Variants in SLC15A1 observed in about 807,000 individuals in gnomAD.
SLC15A1 encodes the protein solute carrier family 15 member 1, also known as Caco-2 oligopeptide transporter.
In SLC15A1, 83 loss-of-function variants were observed where a neutral mutation model predicts 92.9. That is an observed-to-expected ratio of 0.89 (90% CI 0.75 to 1.07). SLC15A1 has a LOEUF of 1.07. Among genes scored for constraint, SLC15A1 ranks in the 50% least tolerant of loss-of-function variants. The probability of loss-of-function intolerance (pLI) is 0.00; values close to 1 mark genes in which losing one functional copy is unlikely to be tolerated. For missense variants in SLC15A1, 857 were observed against 880.1 expected, an observed-to-expected ratio of 0.97 and a Z score of 0.33; for synonymous variants, 322 against 318.2, an observed-to-expected ratio of 1.01 and a Z score of -0.13.
At chr13:98,709,412 C>G (rs2088142657) in intron 14 of SLC15A1, among the ~76,000 whole-genome samples, 160 bp downstream of exon 14, 1 of 152,192 alleles carries the variant, frequency 6.6e-6, no homozygotes, top group African/African-American at 2.4e-5. Flanking sequence ...TTTTAAAGAA[C>G]ATTTTCAGAA....
intron 18 of SLC15A1, among the ~76,000 whole-genome samples, chr13:98,690,315 T>C (rs1307092735): frequency 6.6e-6 from 1 of 152,162 alleles, no homozygotes; most frequent in Non-Finnish European, 1.5e-5. Flanking sequence ...CCCGAGGCCT[T>C]CTACTTGGTG....
At chr13:98,733,835 A>C (rs1252047716) in intron 1 of SLC15A1, among the ~76,000 whole-genome samples, 1 of 152,296 alleles carries the variant, frequency 6.6e-6, no homozygotes, top group Non-Finnish European at 1.5e-5. Context: ...CCAAAATCTC[A>C]TATTGAAATG....
intron 1 of SLC15A1, among the ~76,000 whole-genome samples, chr13:98,750,510 C>T (rs2088535635): frequency 6.6e-6 from 1 of 152,152 alleles, no homozygotes; most frequent in African/African-American, 2.4e-5. Context: ...TGAGTCTCAT[C>T]CAATCCCTCA....
intron 1 of SLC15A1, among the ~76,000 whole-genome samples, chr13:98,732,689 C>T (rs1351764768): frequency 2.0e-5 from 3 of 152,162 alleles, no homozygotes; most frequent in African/African-American, 2.4e-5. Flanking sequence ...AGTTGGACTT[C>T]GGAAGTTGGA....
At chr13:98,734,254 T>C (rs1594007087) in intron 1 of SLC15A1, among the ~76,000 whole-genome samples, 1 of 152,242 alleles carries the variant, frequency 6.6e-6, no homozygotes, top group African/African-American at 2.4e-5. Context: ...CATGAGCCAC[T>C]GCACCCAGCC....
chr13:98,707,763 T>C (rs569177493), intron 15 of SLC15A1, among the ~76,000 whole-genome samples: 1 of 151,526 alleles, frequency 6.6e-6, no homozygotes, highest in African/African-American at 2.4e-5. Context: ...AGTGTGGTGG[T>C]GCATGCCTAC....
chr13:98,691,432 T>C (rs1201723286), intron 18 of SLC15A1, among the ~76,000 whole-genome samples: 1 of 152,236 alleles, frequency 6.6e-6, no homozygotes, highest in Non-Finnish European at 1.5e-5. Context: ...GCTTTCTCTA[T>C]TGTGAATAAT....
chr13:98,721,528 A>G lies in SLC15A1; in HGVS notation c.523T>C (p.Leu175=), dbSNP rs1489529188. The change falls in exon 7 of 23, where the codon TTG becomes CTG. Residue 175 remains leucine (L), a synonymous_variant. Coordinates refer to ENST00000376503, the MANE Select transcript of SLC15A1 (RefSeq NM_005073.4). ...IFYLAINAGS[L]LSTIITPMLR... is the part of the protein sequence containing the mutation. ...ATGGGTGTGATGATTGTGGAAAGCA[A>G]ACTTCCAGCATTAATAGCCAAGTAA... The G allele has an allele frequency of 1.9e-6, 3 of 1,612,984 alleles. No homozygotes were observed. The East Asian group carries it at 6.7e-5, about 36-fold the overall frequency.
At chr13:98,696,748 G>C (rs916368089) in intron 18 of SLC15A1, among the ~76,000 whole-genome samples, 1 of 152,204 alleles carries the variant, frequency 6.6e-6, no homozygotes. Flanking sequence ...GGGCTGAATG[G>C]TGTCGCTCTC....
At chr13:98,688,131 TA>T in intron 20 of SLC15A1, 116 bp downstream of exon 20, 1 of 703,406 alleles carries the variant, frequency 1.4e-6, no homozygotes, top group Non-Finnish European at 2.4e-6. Flanking sequence ...TAAGCCCATT[TA>T]AAATACAGAT....
chr13:98,720,324 T>A (rs115573165), intron 7 of SLC15A1, among the ~76,000 whole-genome samples: 2,383 of 149,676 alleles, frequency 0.016, 33 homozygotes, highest in Middle Eastern at 0.091. Context: ...TTTTAAAAAA[T>A]TATCCTTTAA....
chr13:98,699,929 T>G (rs1292211427), intron 18 of SLC15A1, among the ~76,000 whole-genome samples: 1 of 152,194 alleles, frequency 6.6e-6, no homozygotes, highest in Admixed American at 6.5e-5. Context: ...ACATAGCTGT[T>G]CAAATCTTTT....
intron 1 of SLC15A1, among the ~76,000 whole-genome samples, chr13:98,729,175 CTG>C (rs1319733192): frequency 6.6e-6 from 1 of 151,404 alleles, no homozygotes; most frequent in African/African-American, 2.4e-5. Flanking sequence ...TTGATATTAA[CTG>C]TAAAATATTG....
chr13:98,702,607 T>A, intron 17 of SLC15A1, 78 bp from the exon 18 acceptor site: 1 of 1,201,886 alleles, frequency 8.3e-7, no homozygotes, highest in Non-Finnish European at 1.2e-6. Context: ...TATTTCAGTC[T>A]TTGAGAAGGT....
chr13:98,731,891 A>C (rs1192070348), intron 1 of SLC15A1, among the ~76,000 whole-genome samples: 1 of 152,144 alleles, frequency 6.6e-6, no homozygotes, highest in Non-Finnish European at 1.5e-5. Flanking sequence ...TAAATCTGAG[A>C]CTCAGTACCC....
In SLC15A1 at chr13:98,721,581, T is replaced by C. The variant is rs1398852589; in HGVS notation, c.470A>G (p.Lys157Arg). Residue 157 changes from lysine to arginine, a missense_variant, in exon 7 of 23, where the codon AAA (lysine) becomes AGA (arginine). Physicochemically the swap from Lys to Arg is conservative, Grantham distance 26. Transcript: ENST00000376503. ...GGDQFEEGQE[K>R]QRNRFFSIFY... The stretch of plus-strand genomic sequence containing the variant: ...GATGGAAAAAAATCTGTTTCTTTGT[T>C]TCTCCTGCAATGAAAAGGAGAAAGT... 1.6e-5 allele frequency: 26 copies of C among 1,601,176 alleles called. No homozygotes were observed. Among genetic ancestry groups the C allele is most frequent in the Non-Finnish European group, 2.1e-5 (25 of 1,172,056 alleles).
chr13:98,742,289 G>A (rs1204379518), intron 1 of SLC15A1, among the ~76,000 whole-genome samples: 3 of 152,194 alleles, frequency 2.0e-5, no homozygotes, highest in African/African-American at 4.8e-5. Context: ...CCTACCTGTC[G>A]CCAGCCCCTG....
Position 98,726,969 on chromosome 13 carries a change from C to G in SLC15A1, c.5-110G>C, listed in dbSNP as rs998698287. ...TAGGGTGGTCAGAGGGGCCATTCACCAAACAGCTCCAGCCCTCCCTGGGAT... is the reference window on the plus strand; with the variant it reads ...TAGGGTGGTCAGAGGGGCCATTCACGAAACAGCTCCAGCCCTCCCTGGGAT... On this transcript the variant is annotated intron_variant, in intron 1 of 22. Coordinates refer to ENST00000376503, the MANE Select transcript of SLC15A1 (RefSeq NM_005073.4). The G allele has an allele frequency of 2.8e-5, 26 of 937,560 alleles. No individual in the cohort carries two copies. In the African/African-American group the frequency reaches 4.1e-4, roughly 15 times the overall value. The allele number at this position is 937,560 out of a possible 1,614,324, so 58.1% of individuals were successfully genotyped here.
Position 98,697,212 on chromosome 13 carries a change from C to T in SLC15A1, c.1466+5268G>A, listed in dbSNP as rs1335981670. Reference sequence around the variant, plus strand: ...CTGGGATTACAGGCACGCACCACCACGCCCGGCTAATTTTTGTATTTTTAG... The same window carrying T: ...CTGGGATTACAGGCACGCACCACCATGCCCGGCTAATTTTTGTATTTTTAG... On this transcript the variant is annotated intron_variant, in intron 18 of 22. Coordinates refer to ENST00000376503, the MANE Select transcript of SLC15A1 (RefSeq NM_005073.4). Among the ~76,000 whole-genome samples the T allele has an allele frequency of 8.5e-5, 13 of 152,122 alleles. No homozygotes were observed. In the East Asian group the frequency reaches 1.4e-3, roughly 16 times the overall value.
Sources: allele counts gnomAD v4.1 joint callset (sites outside exome capture counted in the v4.1 genomes callset), GRCh38; gene constraint gnomAD v4.1.1; transcripts MANE v1.5; gene names NCBI Gene and HGNC (gene_info 2026-07-23, HGNC 2026-07-21).